The following EPHX4 variants were observed in gnomAD, a reference collection of about 807,000 sequenced individuals.
EPHX4 encodes abhydrolase domain containing 7.
EPHX4 carries 31 observed loss-of-function variants against 44.9 expected under a neutral mutation model. The observed-to-expected ratio is 0.69, with a 90% confidence interval of 0.52 to 0.93. EPHX4 has a LOEUF of 0.93. Ranked by LOEUF, EPHX4 falls within the 40% of genes least tolerant of loss-of-function variation. The pLI is 0.00. For missense variants in EPHX4, 373 were observed against 438.1 expected, an observed-to-expected ratio of 0.85 and a Z score of 1.33; for synonymous variants, 151 against 159.7, an observed-to-expected ratio of 0.95 and a Z score of 0.41.
intron 4 of EPHX4, 28 bp from the exon 5 acceptor site, chr1:92,050,289 A>G (rs1326326638): frequency 4.3e-6 from 6 of 1,384,152 alleles, no homozygotes; most frequent in African/African-American, 1.4e-5. Context: ...CCCCTTGGAT[A>G]AGGTCTAACA....
chr1:92,035,432 A>G (rs547975551), intron 2 of EPHX4, among the ~76,000 whole-genome samples: 1 of 152,332 alleles, frequency 6.6e-6, no homozygotes, highest in South Asian at 2.1e-4. Context: ...GTGAGGATGA[A>G]GAGAGTCAAA....
At chr1:92,045,499 T>G (rs763151211) in intron 3 of EPHX4, 33 bp from the exon 4 acceptor site, 1 of 1,611,928 alleles carries the variant, frequency 6.2e-7, no homozygotes, top group Admixed American at 1.7e-5. Context: ...CTGTTTCTTT[T>G]TAATGATGTC....
chr1:92,041,172 T>C (rs1192915128), intron 2 of EPHX4, among the ~76,000 whole-genome samples: 2 of 152,116 alleles, frequency 1.3e-5, no homozygotes, highest in East Asian at 3.9e-4. Context: ...GGCTCAGCAG[T>C]GGCCTCCAGA....
chr1:92,051,735 C>T (rs1349053084), intron 5 of EPHX4, among the ~76,000 whole-genome samples: 1 of 152,198 alleles, frequency 6.6e-6, no homozygotes, highest in African/African-American at 2.4e-5. Context: ...GATCAGTGGG[C>T]TCATGAGTTG....
At position 92,037,504 on chromosome 1, in the gene EPHX4, A is replaced by G. The variant is rs544076978; in HGVS notation, c.317+4914A>G. Among the ~76,000 whole-genome samples the G allele has an allele frequency of 3.9e-5, 6 of 152,082 alleles. No homozygotes were observed. In the South Asian group the frequency reaches 1.0e-3, roughly 26 times the overall value. The stretch of plus-strand genomic sequence containing the variant: ...TCTCCCACTCTCTCTCTCCACTTCA[A>G]TTTGCATCTCCTTTAAAAATATTTT... On this transcript the variant is annotated intron_variant, in intron 2 of 6. Coordinates refer to ENST00000370383, the MANE Select transcript of EPHX4 (RefSeq NM_173567.5).
rs536670703 is a variant in EPHX4 at position 92,036,212 on chromosome 1, T to C, written c.317+3622T>C. On this transcript the variant is annotated intron_variant, in intron 2 of 6. Transcript: ENST00000370383. ...CAGTACTTGGCCATCCTTATTCCCC[T>C]GGAATTTCACCTCTTTACGTGCAGA... 3.9e-5 allele frequency among the ~76,000 whole-genome samples: 6 copies of C among 152,348 alleles called. No homozygotes were observed. In the South Asian group the frequency reaches 1.2e-3, roughly 32 times the overall value.
intron 4 of EPHX4, among the ~76,000 whole-genome samples, chr1:92,049,346 A>G (rs1188766361): frequency 6.6e-6 from 1 of 152,066 alleles, no homozygotes; most frequent in Non-Finnish European, 1.5e-5. Context: ...GACTACTTCT[A>G]CTATGTAGCA....
chr1:92,063,453 C>G lies in EPHX4; in HGVS notation c.*167C>G. On this transcript the variant is annotated 3_prime_UTR_variant, in exon 7 of 7. Coordinates refer to ENST00000370383, the MANE Select transcript of EPHX4 (RefSeq NM_173567.5). ...TGAAAAAAATCTGAGATCATGTGAA[C>G]ATATAATACAATGTTGATTTTCTTC... 1.9e-6 allele frequency: 1 copy of G among 536,322 alleles called. No homozygotes were observed. The highest frequency in any genetic ancestry group is 3.2e-6 in the Non-Finnish European group (1 of 309,924). The allele number at this position is 536,322 out of a possible 1,614,324, so 33.2% of individuals were successfully genotyped here. A position where few individuals can be genotyped will look rare whatever the true frequency, so the allele number is the denominator to read the frequency against.
chr1:92,029,991 C>T lies in EPHX4; in HGVS notation c.-89C>T. ...GCCCCGGGCCGGGGGAGGCGCGCGT[C>T]GAGAGGCGACGGCGGGCTGGCCTGG... On this transcript the variant is annotated 5_prime_UTR_variant, in exon 1 of 7. Transcript: ENST00000370383. 1 of 909,134 alleles carries T rather than the reference C, an allele frequency of 1.1e-6. No homozygotes were observed. Among genetic ancestry groups the T allele is most frequent in the Non-Finnish European group, 1.4e-6 (1 of 695,674 alleles). 56.3% of individuals were successfully genotyped at this position (909,134 alleles called of 1,614,324 possible).
intron 6 of EPHX4, among the ~76,000 whole-genome samples, chr1:92,054,176 T>C (rs531058476): frequency 6.6e-6 from 1 of 152,290 alleles, no homozygotes; most frequent in East Asian, 1.9e-4. Flanking sequence ...TAACATGCCT[T>C]AGGCTGTTAA....
At position 92,034,826 on chromosome 1, in the gene EPHX4, A is replaced by C. The variant is rs373285351; in HGVS notation, c.317+2236A>C. Among the ~76,000 whole-genome samples, 11 of 152,038 alleles carry C rather than the reference A, an allele frequency of 7.2e-5. No individual in the cohort carries two copies. The South Asian group carries it at 2.3e-3, about 32-fold the overall frequency. ...GCTAATTTTTGAAGTTTTAGTAGAG[A>C]CAAAGTTTTACCATGTTAAACAGGC... On this transcript the variant is annotated intron_variant, in intron 2 of 6. Coordinates refer to ENST00000370383, the MANE Select transcript of EPHX4 (RefSeq NM_173567.5).
intron 3 of EPHX4, chr1:92,043,341 T>C (rs1256178559): frequency 1.3e-5 from 2 of 155,000 alleles, no homozygotes; most frequent in African/African-American, 2.4e-5. Context: ...TGAAACCCTG[T>C]CTCTACTAAA....
intron 2 of EPHX4, among the ~76,000 whole-genome samples, chr1:92,038,382 C>T (rs1422028558): frequency 6.6e-6 from 1 of 152,194 alleles, no homozygotes. Flanking sequence ...GTCATTGTCT[C>T]AAGGTTTGAA....
chr1:92,030,483 T>TGTGTGTGTGTGTGTGA (rs745435867), intron 1 of EPHX4, among the ~76,000 whole-genome samples, 173 bp downstream of exon 1: 1,419 of 138,398 alleles, frequency 0.01, 39 homozygotes, highest in Middle Eastern at 0.018. Context: ...TGTGTGTGTG[T>TGTGTGTGTGTGTGTGA]GTGAGAGAGA....
At position 92,050,320 on chromosome 1, in the gene EPHX4, A is replaced by G; in HGVS notation, c.608A>G (p.Tyr203Cys). 2 of 1,589,246 alleles carry G rather than the reference A, an allele frequency of 1.3e-6. No individual in the cohort carries two copies. Among genetic ancestry groups the G allele is most frequent in the Non-Finnish European group, 1.7e-6 (2 of 1,162,716 alleles). ...NFPHPNVFTEYILRHPAQLLK... is the reference protein window; with the variant it reads ...NFPHPNVFTECILRHPAQLLK... ...TAACATGGCATTTTAATTTCAGAAT[A>G]TATTTTACGACACCCTGCTCAGCTG... Residue 203 changes from tyrosine to cysteine, a missense_variant, in exon 5 of 7, where the codon TAT becomes TGT. Coordinates refer to ENST00000370383, the MANE Select transcript of EPHX4 (RefSeq NM_173567.5).
At chr1:92,051,721 C>G (rs1647258789) in intron 5 of EPHX4, among the ~76,000 whole-genome samples, 1 of 152,190 alleles carries the variant, frequency 6.6e-6, no homozygotes, top group Admixed American at 6.5e-5. Flanking sequence ...CTAATGCTAA[C>G]AGTGATCAGT....
intron 6 of EPHX4, among the ~76,000 whole-genome samples, 164 bp downstream of exon 6, chr1:92,052,822 T>G (rs1031540146): frequency 2.0e-5 from 3 of 152,212 alleles, no homozygotes; most frequent in African/African-American, 7.2e-5. Context: ...ATTTCAAACA[T>G]ATGGAAAAGT....
At position 92,030,294 on chromosome 1, in the gene EPHX4, G is replaced by A; in HGVS notation, c.215G>A (p.Cys72Tyr). Reference sequence around the variant, plus strand: ...AGCGACCCCTCCTTGGGCACCCACTGCTACGTGCGGATCAAGGTGAAGGGC... The same window carrying A: ...AGCGACCCCTCCTTGGGCACCCACTACTACGTGCGGATCAAGGTGAAGGGC... ...CLSDPSLGTHCYVRIKDSGLR... is the reference protein window; with the variant it reads ...CLSDPSLGTHYYVRIKDSGLR... Residue 72 changes from cysteine to tyrosine, a missense_variant, in exon 1 of 7, where the codon TGC becomes TAC. Cys to Tyr is a radical substitution (Grantham distance 194, BLOSUM62 -2). Transcript: ENST00000370383. 6.3e-7 allele frequency: 1 copy of A among 1,580,290 alleles called. No individual in the cohort carries two copies. Among genetic ancestry groups the A allele is most frequent in the Non-Finnish European group, 8.6e-7 (1 of 1,164,430 alleles).
intron 6 of EPHX4, among the ~76,000 whole-genome samples, chr1:92,053,744 G>C (rs1328914522): frequency 6.6e-6 from 1 of 152,166 alleles, no homozygotes; most frequent in African/African-American, 2.4e-5. Context: ...CAGCAGTATG[G>C]ATAAGCATGC....
Sources: gnomAD v4.1 joint callset for allele counts (sites outside exome capture counted in the v4.1 genomes callset) on GRCh38, gnomAD v4.1.1 for gene constraint, MANE v1.5 for transcripts, NCBI Gene and HGNC (gene_info 2026-07-23, HGNC 2026-07-21) for gene names.